The following ESYT2 variants were observed in gnomAD, a reference collection of about 807,000 sequenced individuals.
ESYT2 encodes the protein extended synaptotagmin-2.
Under a neutral mutation model 107.2 loss-of-function variants are expected in ESYT2, and 54 were observed. That is an observed-to-expected ratio of 0.50 (90% confidence interval 0.40 to 0.63). ESYT2 has a LOEUF of 0.63. Ranked by LOEUF, ESYT2 falls within the 30% of genes least tolerant of loss-of-function variation. The pLI is 0.00. For synonymous variants in ESYT2, 491 were observed against 434.1 expected, an observed-to-expected ratio of 1.13 and a Z score of -1.63; for missense variants, 1,020 against 1,094.5, an observed-to-expected ratio of 0.93 and a Z score of 0.96.
chr7:158,760,115 C>T lies in ESYT2; in HGVS notation c.1266G>A (p.Lys422=). 1 of 1,614,200 alleles carries T rather than the reference C, an allele frequency of 6.2e-7. No individual in the cohort carries two copies. Among genetic ancestry groups the T allele is most frequent in the South Asian group, 1.1e-5 (1 of 91,084 alleles). Residue 422 remains lysine, a synonymous_variant, in exon 12 of 23, where the codon AAG becomes AAA. Coordinates refer to ENST00000275418, the MANE Select transcript of ESYT2 (RefSeq NM_001367773.1). ...TGAGCCACTCCAGTCTCAAGTGTAG[C>T]TTCCCCTTGGGAACCTCGTCCAGAG... is the stretch of plus-strand genomic sequence containing the variant. ...WFTLDEVPKG[K]LHLRLEWLTL... is the part of the protein sequence containing the mutation.
chr7:158,813,863 C>CA (rs1840056298), intron 1 of ESYT2, among the ~76,000 whole-genome samples: 1 of 151,892 alleles, frequency 6.6e-6, no homozygotes, highest in Non-Finnish European at 1.5e-5. Flanking sequence ...TCTCACAGAT[C>CA]AAAAACGTTT....
chr7:158,756,082 C>A (rs147969787), intron 13 of ESYT2, among the ~76,000 whole-genome samples: 1 of 152,108 alleles, frequency 6.6e-6, no homozygotes, highest in African/African-American at 2.4e-5. Flanking sequence ...CTACGCTCCC[C>A]CTACTTTAAA....
intron 6 of ESYT2, among the ~76,000 whole-genome samples, chr7:158,778,085 G>A (rs561206606): frequency 2.9e-4 from 44 of 152,216 alleles, no homozygotes; most frequent in Non-Finnish European, 5.6e-4. Context: ...TATTTTATAC[G>A]TCAGTCTTGT....
chr7:158,789,686 A>G (rs900857604), intron 4 of ESYT2, among the ~76,000 whole-genome samples: 6 of 151,964 alleles, frequency 3.9e-5, no homozygotes, highest in East Asian at 1.9e-4. Flanking sequence ...ATACTTTTCA[A>G]TTACTCCTTC....
intron 16 of ESYT2, among the ~76,000 whole-genome samples, chr7:158,745,983 A>C (rs1390530474): frequency 6.6e-6 from 1 of 152,192 alleles, no homozygotes; most frequent in Non-Finnish European, 1.5e-5. Flanking sequence ...ATCATAGTAG[A>C]AATCAATGAA....
chr7:158,764,490 A>G (rs1453365500), intron 9 of ESYT2, among the ~76,000 whole-genome samples, 187 bp downstream of exon 9: 2 of 152,246 alleles, frequency 1.3e-5, no homozygotes, highest in African/African-American at 2.4e-5. Context: ...TGTTGGCATG[A>G]CAAGAATGTT....
At chr7:158,738,454 G>T (rs1032606677) in intron 19 of ESYT2, among the ~76,000 whole-genome samples, 2 of 151,642 alleles carry the variant, frequency 1.3e-5, no homozygotes, top group Non-Finnish European at 2.9e-5. Flanking sequence ...ACATATTTGT[G>T]TATTTTTTTT....
chr7:158,766,729 A>G (rs1347124283), intron 8 of ESYT2, among the ~76,000 whole-genome samples: 1 of 152,218 alleles, frequency 6.6e-6, no homozygotes, highest in East Asian at 1.9e-4. Flanking sequence ...AAACAGGACC[A>G]ACTTACCACG....
At chr7:158,787,756 C>A (rs1839159231) in intron 6 of ESYT2, among the ~76,000 whole-genome samples, 1 of 152,014 alleles carries the variant, frequency 6.6e-6, no homozygotes, top group Non-Finnish European at 1.5e-5. Flanking sequence ...TAAGACCCAC[C>A]CTTCTGAAGA....
chr7:158,787,230 GCAA>G (rs1372424419), intron 6 of ESYT2, among the ~76,000 whole-genome samples: 2 of 152,158 alleles, frequency 1.3e-5, no homozygotes, highest in African/African-American at 4.8e-5. Context: ...TAAAACAGCA[GCAA>G]CAACAACACA....
In ESYT2 at chr7:158,756,256, C is replaced by T. The variant is rs1023943643; in HGVS notation, c.1419+3230G>A. On this transcript the variant is annotated intron_variant, in intron 13 of 22. Transcript: ENST00000275418. The stretch of plus-strand genomic sequence containing the variant: ...TGACTTTCTGGGCTAATGACTAAGA[C>T]GCTGTGGCCCCCTGTGGCCCTGAAG... Among the ~76,000 whole-genome samples the T allele has an allele frequency of 3.3e-5, 5 of 152,304 alleles. No homozygotes were observed. In the East Asian group the frequency reaches 5.8e-4, roughly 18 times the overall value.
At chr7:158,784,171 A>G in intron 6 of ESYT2, among the ~76,000 whole-genome samples, 1 of 152,218 alleles carries the variant, frequency 6.6e-6, no homozygotes, top group East Asian at 1.9e-4. Context: ...ACTGTCCAAA[A>G]TAATATAAAC....
At chr7:158,793,063 C>T (rs530625782) in intron 4 of ESYT2, among the ~76,000 whole-genome samples, 1 of 149,640 alleles carries the variant, frequency 6.7e-6, no homozygotes, top group South Asian at 2.1e-4. Context: ...CCACCACGCC[C>T]GGCCCACTGA....
At chr7:158,803,017 A>G (rs1348185359) in intron 1 of ESYT2, among the ~76,000 whole-genome samples, 1 of 152,272 alleles carries the variant, frequency 6.6e-6, no homozygotes, top group African/African-American at 2.4e-5. Context: ...TCTTACTGGA[A>G]GCAATGGTTG....
chr7:158,740,166 C>T (rs1563616602), intron 18 of ESYT2, among the ~76,000 whole-genome samples: 2 of 152,226 alleles, frequency 1.3e-5, no homozygotes, highest in African/African-American at 2.4e-5. Context: ...ACCCTGACCA[C>T]GGACTGCTGC....
chr7:158,828,412 C>G (rs986596636), intron 1 of ESYT2, among the ~76,000 whole-genome samples: 2 of 152,258 alleles, frequency 1.3e-5, no homozygotes, highest in Admixed American at 6.5e-5. Context: ...CTAAGGAGAC[C>G]CCGCGGGCGG....
intron 1 of ESYT2, among the ~76,000 whole-genome samples, chr7:158,814,269 G>A (rs1022607682): frequency 3.1e-5 from 4 of 128,656 alleles, no homozygotes; most frequent in Non-Finnish European, 6.4e-5. Context: ...GCGAGACTCC[G>A]TCTCAAAAAA....
chr7:158,782,509 A>T (rs1173366552), intron 6 of ESYT2, among the ~76,000 whole-genome samples: 1 of 147,088 alleles, frequency 6.8e-6, no homozygotes, highest in African/African-American at 2.5e-5. Flanking sequence ...AAGTGAGAAC[A>T]AGTGTGAGTG....
intron 6 of ESYT2, among the ~76,000 whole-genome samples, chr7:158,777,715 G>A (rs1227412582): frequency 6.6e-6 from 1 of 152,026 alleles, no homozygotes; most frequent in Non-Finnish European, 1.5e-5. Flanking sequence ...TTCATAAAAT[G>A]CCCAGTCTCA....
Sources: gnomAD v4.1 joint callset for allele counts (sites outside exome capture counted in the v4.1 genomes callset) on GRCh38, gnomAD v4.1.1 for gene constraint, MANE v1.5 for transcripts, NCBI Gene and HGNC (gene_info 2026-07-23, HGNC 2026-07-21) for gene names.